Variants in ARMC2 observed in about 807,000 individuals in gnomAD.
The protein encoded by ARMC2 is armadillo repeat-containing protein 2.
In ARMC2, 67 loss-of-function variants were observed where a neutral mutation model predicts 90.3. The ratio of observed to expected loss-of-function variants is 0.74; its 90% CI spans 0.61 to 0.91. The LOEUF is 0.91. ARMC2 is among the 40% of genes least tolerant of loss of function. The probability of loss-of-function intolerance (pLI) is 0.00; values close to 1 mark genes in which losing one functional copy is unlikely to be tolerated. For missense variants in ARMC2, 920 were observed against 1,030.9 expected, an observed-to-expected ratio of 0.89 and a Z score of 1.47; for synonymous variants, 393 against 393.0, an observed-to-expected ratio of 1.00 and a Z score of 0.00.
intron 8 of ARMC2, chr6:108,907,981 GGTTC>G (rs1297155005): frequency 1.1e-5 from 11 of 1,006,486 alleles, no homozygotes; most frequent in Non-Finnish European, 1.6e-5. Flanking sequence ...CATTTATTAA[GGTTC>G]CCATTTCCTA....
chr6:108,899,904 C>T, intron 7 of ARMC2, 112 bp downstream of exon 7: 3 of 777,638 alleles, frequency 3.9e-6, no homozygotes, highest in African/African-American at 1.8e-5. Flanking sequence ...TTTTCACTAT[C>T]ATTTCTGTGA....
the ARMC2 span, chr6:108,998,384 T>A: frequency 9.9e-7 from 1 of 1,013,416 alleles, no homozygotes; most frequent in Non-Finnish European, 1.4e-6. Flanking sequence ...ACTGAATGAA[T>A]AGATATAGGG....
chr6:108,931,723 A>C (rs1386227876), intron 11 of ARMC2, among the ~76,000 whole-genome samples: 1 of 148,708 alleles, frequency 6.7e-6, no homozygotes, highest in African/African-American at 2.5e-5. Context: ...TATTGGCCAC[A>C]TGTGTGTCTT....
chr6:109,051,367 C>T, the ARMC2 span, among the ~76,000 whole-genome samples: 1 of 152,138 alleles, frequency 6.6e-6, no homozygotes, highest in Non-Finnish European at 1.5e-5. Flanking sequence ...AAATGTAACA[C>T]ATCAGTTGTG....
At chr6:108,858,647 A>G (rs1336127515) in intron 3 of ARMC2, among the ~76,000 whole-genome samples, 1 of 150,664 alleles carries the variant, frequency 6.6e-6, no homozygotes, top group Admixed American at 6.6e-5. Context: ...ATATATAAAA[A>G]TCATATATAT....
At chr6:108,886,651 C>G (rs1339246599) in intron 5 of ARMC2, among the ~76,000 whole-genome samples, 1 of 152,120 alleles carries the variant, frequency 6.6e-6, no homozygotes, top group Non-Finnish European at 1.5e-5. Flanking sequence ...TTTTGTTTTT[C>G]TTTTTTACAG....
intron 17 of ARMC2, among the ~76,000 whole-genome samples, chr6:108,970,494 C>CT (rs1156823883): frequency 0.2 from 23,808 of 117,038 alleles, 3,566 homozygotes; most frequent in Non-Finnish European, 0.29. Flanking sequence ...CTTCTCTTTT[C>CT]TTTTTTTTTT....
At chr6:108,995,528 G>A in the ARMC2 span, among the ~76,000 whole-genome samples, 1 of 152,334 alleles carries the variant, frequency 6.6e-6, no homozygotes, top group East Asian at 1.9e-4. Context: ...TTTTGCACTA[G>A]TCAAACTGGT....
chr6:108,904,426 G>A, intron 8 of ARMC2, 21 bp downstream of exon 8: 1 of 1,581,468 alleles, frequency 6.3e-7, no homozygotes, highest in Non-Finnish European at 8.6e-7. Flanking sequence ...CTTTCCTCTG[G>A]TCTAGTAGAC....
intron 3 of ARMC2, among the ~76,000 whole-genome samples, chr6:108,861,312 G>C (rs1233384166): frequency 6.6e-6 from 1 of 152,240 alleles, no homozygotes; most frequent in Non-Finnish European, 1.5e-5. Context: ...GCATGTGCTT[G>C]TATGTATGTT....
At chr6:108,948,744 C>T (rs543931479) in intron 12 of ARMC2, among the ~76,000 whole-genome samples, 21 of 151,480 alleles carry the variant, frequency 1.4e-4, no homozygotes, top group African/African-American at 5.1e-4. Flanking sequence ...ATGACAGAAT[C>T]GAAGAATTTT....
chr6:108,890,661 C>T (rs1258503612), intron 5 of ARMC2, among the ~76,000 whole-genome samples: 1 of 152,194 alleles, frequency 6.6e-6, no homozygotes, highest in Non-Finnish European at 1.5e-5. Flanking sequence ...ACTCAGGCAG[C>T]TTGGCTTCAG....
At chr6:108,865,770 G>C (rs1775749666) in intron 3 of ARMC2, among the ~76,000 whole-genome samples, 1 of 152,066 alleles carries the variant, frequency 6.6e-6, no homozygotes, top group Non-Finnish European at 1.5e-5. Context: ...TGTAATTCCA[G>C]CACTTTGGGA....
At chr6:108,909,957 A>C (rs1035612880) in intron 8 of ARMC2, among the ~76,000 whole-genome samples, 2 of 152,216 alleles carry the variant, frequency 1.3e-5, no homozygotes, top group African/African-American at 4.8e-5. Flanking sequence ...ATTTTCTTTT[A>C]TACAAATGAT....
In ARMC2 at chr6:108,932,819, C is replaced by T. The variant is rs1342699757; in HGVS notation, c.1497-4081C>T. 3.9e-5 allele frequency among the ~76,000 whole-genome samples: 6 copies of T among 152,086 alleles called. No individual in the cohort carries two copies. The South Asian group carries it at 6.2e-4, about 16-fold the overall frequency. ...CTGGGATTACAGGCGTGAGCCACTG[C>T]GCCCGGCCTCCATTGCTTGTTTTTG... On this transcript the variant is annotated intron_variant, in intron 11 of 17. Coordinates refer to ENST00000392644, the MANE Select transcript of ARMC2 (RefSeq NM_032131.6).
At chr6:108,920,498 C>T (rs1467797428) in intron 10 of ARMC2, among the ~76,000 whole-genome samples, 5 of 152,204 alleles carry the variant, frequency 3.3e-5, no homozygotes, top group African/African-American at 1.2e-4. Flanking sequence ...GGTTCTTCCT[C>T]TTCCCTTCTC....
At chr6:108,999,612 A>G in the ARMC2 span, among the ~76,000 whole-genome samples, 1 of 152,186 alleles carries the variant, frequency 6.6e-6, no homozygotes, top group Non-Finnish European at 1.5e-5. Flanking sequence ...GCTGAAATCC[A>G]AAACACTGAC....
chr6:108,986,472 AC>A, the ARMC2 span: 1 of 152,698 alleles, frequency 6.5e-6, no homozygotes, highest in Admixed American at 6.5e-5. Context: ...ATTTAAAAAT[AC>A]CAGTAATACT....
downstream of ARMC2, among the ~76,000 whole-genome samples, chr6:108,976,010 A>T (rs1040622111): frequency 1.6e-4 from 24 of 152,170 alleles, no homozygotes; most frequent in Non-Finnish European, 3.4e-4. Context: ...GTTTAACTAG[A>T]TCCCACTTGT....
Sources: gnomAD v4.1 joint callset for allele counts (sites outside exome capture counted in the v4.1 genomes callset) on GRCh38, gnomAD v4.1.1 for gene constraint, MANE v1.5 for transcripts, NCBI Gene and HGNC (gene_info 2026-07-23, HGNC 2026-07-21) for gene names.